The following ERC2 variants were observed in gnomAD, a reference collection of about 807,000 sequenced individuals.
ERC2 encodes ELKS/RAB6-interacting/CAST family member 2.
Under a neutral mutation model 114.8 loss-of-function variants are expected in ERC2, and 42 were observed. The observed-to-expected ratio is 0.37, with a 90% CI of 0.29 to 0.47. The LOEUF (loss-of-function observed/expected upper bound fraction) is 0.47, where lower values mean the gene tolerates loss of function less well. Among genes scored for constraint, ERC2 ranks in the 20% least tolerant of loss-of-function variants. The probability of loss-of-function intolerance (pLI) is 0.99; values close to 1 mark genes in which losing one functional copy is unlikely to be tolerated. For missense variants in ERC2, 939 were observed against 1,150.7 expected (o/e 0.82, Z 2.66); for synonymous variants, 454 against 425.5 (o/e 1.07, Z -0.82).
At chr3:55,613,807 C>T (rs147780022) in intron 17 of ERC2, among the ~76,000 whole-genome samples, 291 of 151,652 alleles carry the variant, frequency 1.9e-3, no homozygotes, top group Non-Finnish European at 3.4e-3. Context: ...TGGTGAAAAC[C>T]CCATCTCTAC....
intron 14 of ERC2, among the ~76,000 whole-genome samples, chr3:55,800,299 A>G (rs1368970683): frequency 6.6e-6 from 1 of 151,896 alleles, no homozygotes; most frequent in Non-Finnish European, 1.5e-5. Context: ...ACGTGCTACC[A>G]CGCCCGGCTA....
At chr3:55,621,160 C>G (rs945633193) in intron 17 of ERC2, among the ~76,000 whole-genome samples, 7 of 152,108 alleles carry the variant, frequency 4.6e-5, no homozygotes, top group Admixed American at 2.6e-4. Context: ...AACTGCCCCC[C>G]CTCCAGCCAG....
chr3:55,959,863 A>T (rs1224938462), intron 12 of ERC2, among the ~76,000 whole-genome samples: 1 of 152,218 alleles, frequency 6.6e-6, no homozygotes, highest in Non-Finnish European at 1.5e-5. Flanking sequence ...ACATGGTCAA[A>T]GCTGGTGGCA....
chr3:55,686,508 G>A (rs980705650), intron 16 of ERC2, among the ~76,000 whole-genome samples: 4 of 152,126 alleles, frequency 2.6e-5, no homozygotes, highest in African/African-American at 7.2e-5. Flanking sequence ...TAATCAGTGC[G>A]GGAGCTCCAA....
chr3:56,423,294 T>C (rs998808965), intron 2 of ERC2, among the ~76,000 whole-genome samples: 1 of 152,240 alleles, frequency 6.6e-6, no homozygotes, highest in Non-Finnish European at 1.5e-5. Context: ...AATGAAGTTA[T>C]AGTAATCATC....
intron 3 of ERC2, among the ~76,000 whole-genome samples, chr3:56,237,883 AT>A (rs2051061010): frequency 1.2e-5 from 1 of 85,412 alleles, no homozygotes; most frequent in Admixed American, 1.8e-4. Flanking sequence ...CTGCCTTTCT[AT>A]TTTTTCCTTT....
At chr3:55,794,537 A>C (rs2070319168) in intron 14 of ERC2, among the ~76,000 whole-genome samples, 1 of 152,230 alleles carries the variant, frequency 6.6e-6, no homozygotes, top group Non-Finnish European at 1.5e-5. Context: ...ACAATGAATT[A>C]TGTTTATCTC....
chr3:56,011,135 A>G (rs552037947), intron 8 of ERC2, among the ~76,000 whole-genome samples: 1 of 152,264 alleles, frequency 6.6e-6, no homozygotes, highest in Non-Finnish European at 1.5e-5. Flanking sequence ...ACAAAGAATC[A>G]GTCCATTGTG....
At chr3:55,584,441 G>T (rs2057490558) in intron 17 of ERC2, among the ~76,000 whole-genome samples, 1 of 152,154 alleles carries the variant, frequency 6.6e-6, no homozygotes, top group South Asian at 2.1e-4. Context: ...TCTGGGCTCA[G>T]TTCCTTCCTC....
intron 2 of ERC2, among the ~76,000 whole-genome samples, chr3:56,405,895 T>TC (rs1297884429): frequency 1.4e-5 from 2 of 140,868 alleles, no homozygotes; most frequent in African/African-American, 2.7e-5. Flanking sequence ...TTCTTTTTTT[T>TC]TTTTTTTTTT....
chr3:55,934,015 A>C (rs914440153), intron 13 of ERC2, among the ~76,000 whole-genome samples: 1 of 152,188 alleles, frequency 6.6e-6, no homozygotes, highest in Non-Finnish European at 1.5e-5. Flanking sequence ...AGCAAGCAAA[A>C]TTAAGGAGGC....
intron 14 of ERC2, among the ~76,000 whole-genome samples, chr3:55,782,419 C>A (rs1474969278): frequency 1.3e-5 from 2 of 152,316 alleles, no homozygotes; most frequent in East Asian, 3.9e-4. Flanking sequence ...TGTTTCCTAT[C>A]CACCAGGTTC....
At chr3:55,512,271 T>A in intron 17 of ERC2, among the ~76,000 whole-genome samples, 1 of 152,214 alleles carries the variant, frequency 6.6e-6, no homozygotes, top group East Asian at 1.9e-4. Flanking sequence ...TTGGATGAAC[T>A]CTGCTAATTC....
At chr3:55,797,195 C>T (rs572320583) in intron 14 of ERC2, among the ~76,000 whole-genome samples, 4 of 152,230 alleles carry the variant, frequency 2.6e-5, no homozygotes, top group African/African-American at 7.2e-5. Flanking sequence ...TATTGCATTG[C>T]TGGGCTCATA....
intron 3 of ERC2, among the ~76,000 whole-genome samples, chr3:56,277,780 T>C (rs1250517749): frequency 6.6e-6 from 1 of 151,336 alleles, no homozygotes; most frequent in African/African-American, 2.4e-5. Flanking sequence ...TATAAACATC[T>C]AATTTTCTTT....
intron 7 of ERC2, among the ~76,000 whole-genome samples, chr3:56,043,456 C>A (rs1313203716): frequency 2.0e-5 from 3 of 151,904 alleles, no homozygotes; most frequent in African/African-American, 4.8e-5. Flanking sequence ...TAATGGACTT[C>A]TTTATTTATT....
At position 56,059,088 on chromosome 3, in the gene ERC2, ATTTTT is replaced by A. The variant is rs573470478; in HGVS notation, c.1641+21724_1641+21728del. 1.4e-4 allele frequency among the ~76,000 whole-genome samples: 13 copies of A among 90,490 alleles called. No individual in the cohort carries two copies. The Admixed American group carries it at 1.5e-3, about 11-fold the overall frequency. The allele number at this position is 90,490 out of a possible 152,430, so 59.4% of individuals were successfully genotyped here. A position where few individuals can be genotyped will look rare whatever the true frequency, so the allele number is the denominator to read the frequency against. Reference sequence around the variant, plus strand: ...GAGCACATAAAGATATCTTTTTTTTATTTTTTTTATTTTTTTTTTTGGAAATGGAG... The same window carrying A: ...GAGCACATAAAGATATCTTTTTTTTATTTATTTTTTTTTTTGGAAATGGAG... On this transcript the variant is annotated intron_variant, in intron 7 of 17. Coordinates refer to ENST00000288221, the MANE Select transcript of ERC2 (RefSeq NM_015576.3).
intron 7 of ERC2, among the ~76,000 whole-genome samples, chr3:56,031,732 A>G (rs965576313): frequency 6.6e-6 from 1 of 152,254 alleles, no homozygotes; most frequent in African/African-American, 2.4e-5. Context: ...ACAAGAAAAC[A>G]CAGACAACTA....
At chr3:56,174,746 G>A (rs967327173) in intron 3 of ERC2, among the ~76,000 whole-genome samples, 5 of 152,118 alleles carry the variant, frequency 3.3e-5, no homozygotes, top group Admixed American at 6.5e-5. Flanking sequence ...TTGGGAGGCC[G>A]AGGTGGGTGG....
Sources: allele counts gnomAD v4.1 joint callset (sites outside exome capture counted in the v4.1 genomes callset), GRCh38; gene constraint gnomAD v4.1.1; transcripts MANE v1.5; gene names NCBI Gene and HGNC (gene_info 2026-07-23, HGNC 2026-07-21).